Variants in GXYLT1 observed in about 807,000 individuals in gnomAD.
GXYLT1 encodes the protein glucoside xylosyltransferase 1.
A neutral mutation model predicts 54.0 loss-of-function variants in GXYLT1; 29 were observed. The observed-to-expected ratio is 0.54, with a 90% CI of 0.40 to 0.73. GXYLT1 has a LOEUF of 0.73. GXYLT1 is among the 30% of genes least tolerant of loss of function. The pLI is 0.00. For missense variants in GXYLT1, 490 were observed against 553.4 expected, an observed-to-expected ratio of 0.89 and a Z score of 1.15; for synonymous variants, 176 against 204.1, an observed-to-expected ratio of 0.86 and a Z score of 1.17.
chr12:42,120,592 G>A (rs181688007), intron 2 of GXYLT1, among the ~76,000 whole-genome samples: 1 of 152,158 alleles, frequency 6.6e-6, no homozygotes, highest in East Asian at 1.9e-4. Context: ...GTACAGTGGT[G>A]CATTCATAGC....
intron 7 of GXYLT1, among the ~76,000 whole-genome samples, chr12:42,093,667 C>T (rs1014673481): frequency 2.6e-5 from 4 of 152,042 alleles, no homozygotes; most frequent in Non-Finnish European, 4.4e-5. Context: ...TGGTTAAAGA[C>T]AGCCTTTTAA....
At chr12:42,104,578 T>A (rs2065408719) in intron 5 of GXYLT1, among the ~76,000 whole-genome samples, 1 of 151,764 alleles carries the variant, frequency 6.6e-6, no homozygotes, top group Admixed American at 6.6e-5. Flanking sequence ...AAAACTAAGT[T>A]TAAGATCAAC....
chr12:42,123,068 C>G (rs1306996083), intron 2 of GXYLT1, among the ~76,000 whole-genome samples: 1 of 152,120 alleles, frequency 6.6e-6, no homozygotes, highest in East Asian at 1.9e-4. Context: ...ATACCAATAA[C>G]AGCACCCCTT....
intron 5 of GXYLT1, among the ~76,000 whole-genome samples, chr12:42,103,384 T>C (rs2065401362): frequency 1.3e-5 from 2 of 152,246 alleles, no homozygotes; most frequent in Admixed American, 6.5e-5. Flanking sequence ...AAATTTTTAT[T>C]GTGGCTGTAC....
At chr12:42,097,635 A>G (rs762063708) in intron 6 of GXYLT1, 21 bp from the exon 7 acceptor site, 1 of 1,591,988 alleles carries the variant, frequency 6.3e-7, no homozygotes, top group Non-Finnish European at 8.5e-7. Flanking sequence ...AAAAGACCAA[A>G]CAATGAAGCA....
At chr12:42,122,529 A>T (rs1377990847) in intron 2 of GXYLT1, among the ~76,000 whole-genome samples, 1 of 152,190 alleles carries the variant, frequency 6.6e-6, no homozygotes, top group Non-Finnish European at 1.5e-5. Context: ...GGCAGAGGTT[A>T]CAGTGAGCTG....
At chr12:42,106,480 T>A (rs1005203196) in intron 4 of GXYLT1, among the ~76,000 whole-genome samples, 1 of 152,170 alleles carries the variant, frequency 6.6e-6, no homozygotes, top group Non-Finnish European at 1.5e-5. Flanking sequence ...CCCCTTGGCC[T>A]GTAACACTGG....
intron 7 of GXYLT1, among the ~76,000 whole-genome samples, chr12:42,094,323 C>T (rs899785160): frequency 6.7e-6 from 1 of 150,254 alleles, no homozygotes; most frequent in Non-Finnish European, 1.5e-5. Context: ...TGCACTCCAG[C>T]CTGGGTGACA....
At chr12:42,112,963 T>G (rs1001097776) in intron 3 of GXYLT1, among the ~76,000 whole-genome samples, 2 of 150,960 alleles carry the variant, frequency 1.3e-5, no homozygotes, top group Non-Finnish European at 2.9e-5. Flanking sequence ...CAGAAGAGAG[T>G]GGGGACCAAC....
intron 5 of GXYLT1, among the ~76,000 whole-genome samples, chr12:42,098,786 A>ATATATATATATATATATAT (rs1565567184): frequency 1.9e-5 from 1 of 52,278 alleles, no homozygotes; most frequent in Non-Finnish European, 3.9e-5. Flanking sequence ...TATATATATA[A>ATATATATATATATATATAT]TACATGTGTG....
chr12:42,119,795 G>A (rs2136906194), intron 2 of GXYLT1, among the ~76,000 whole-genome samples: 1 of 152,196 alleles, frequency 6.6e-6, no homozygotes, highest in African/African-American at 2.4e-5. Context: ...GCAAGATCCT[G>A]TCTCAAAAAA....
intron 1 of GXYLT1, among the ~76,000 whole-genome samples, chr12:42,140,860 A>G (rs886911028): frequency 6.6e-6 from 1 of 152,212 alleles, no homozygotes; most frequent in Non-Finnish European, 1.5e-5. Context: ...TTTGATAATC[A>G]ATGTCAGGAC....
intron 2 of GXYLT1, among the ~76,000 whole-genome samples, chr12:42,123,724 C>A (rs2065544635): frequency 6.6e-6 from 1 of 151,842 alleles, no homozygotes; most frequent in South Asian, 2.1e-4. Context: ...CATAATTAGA[C>A]TACAAACTAC....
At chr12:42,121,396 C>T (rs1592119143) in intron 2 of GXYLT1, among the ~76,000 whole-genome samples, 1 of 152,150 alleles carries the variant, frequency 6.6e-6, no homozygotes, top group Admixed American at 6.5e-5. Context: ...CTTTGGGAGG[C>T]CAAGTTGAGA....
At chr12:42,118,302 G>A (rs527679020) in intron 3 of GXYLT1, among the ~76,000 whole-genome samples, 46 of 152,256 alleles carry the variant, frequency 3.0e-4, no homozygotes, top group Non-Finnish European at 6.0e-4. Flanking sequence ...TATAAGCTCT[G>A]ATTAAGGCAC....
chr12:42,107,502 C>A (rs1371048418), intron 4 of GXYLT1, among the ~76,000 whole-genome samples: 3 of 152,098 alleles, frequency 2.0e-5, no homozygotes, highest in Non-Finnish European at 2.9e-5. Context: ...ACCAGCCTGA[C>A]CAATACGGCA....
Position 42,097,516 on chromosome 12 carries a change from G to A in GXYLT1, c.1087C>T (p.Leu363Phe), listed in dbSNP as rs1383858851. The A allele has an allele frequency of 1.2e-6, 2 of 1,611,866 alleles. No homozygotes were observed. The highest frequency in any genetic ancestry group is 1.7e-6 in the Non-Finnish European group (2 of 1,179,276). The change falls in exon 7 of 8, where the codon CTT becomes TTT. Residue 363 changes from leucine (L) to phenylalanine (F), a missense_variant. Leu to Phe is a conservative substitution (Grantham distance 22). Coordinates refer to ENST00000398675, the MANE Select transcript of GXYLT1 (RefSeq NM_173601.2). ...QEAEEGGIFILHGNRGVYHDD... is the reference protein window; with the variant it reads ...QEAEEGGIFIFHGNRGVYHDD... The stretch of plus-strand genomic sequence containing the variant: ...TGGTAAACACCTCTGTTCCCATGAA[G>A]AATAAAGATTCCTCCTTCTTCTGCT...
intron 3 of GXYLT1, among the ~76,000 whole-genome samples, chr12:42,111,823 C>T (rs149210449): frequency 3.2e-4 from 49 of 152,310 alleles, no homozygotes; most frequent in African/African-American, 1.1e-3. Context: ...GATGTGAGAA[C>T]GGGCAGACTG....
intron 3 of GXYLT1, among the ~76,000 whole-genome samples, chr12:42,111,150 G>A (rs2065451744): frequency 6.6e-6 from 1 of 152,204 alleles, no homozygotes; most frequent in South Asian, 2.1e-4. Flanking sequence ...AATCCAGGGA[G>A]GAGCCAAGAT....
Sources: allele counts gnomAD v4.1 joint callset (sites outside exome capture counted in the v4.1 genomes callset), GRCh38; gene constraint gnomAD v4.1.1; transcripts MANE v1.5; gene names NCBI Gene and HGNC (gene_info 2026-07-23, HGNC 2026-07-21).